The following RBFOX3 variants were observed in gnomAD, a reference collection of about 807,000 sequenced individuals.
The protein encoded by RBFOX3 is RNA binding fox-1 homolog 3, also known as RNA binding protein fox-1 homolog 3.
RBFOX3 carries 17 observed loss-of-function variants against 48.7 expected under a neutral mutation model. The observed-to-expected ratio is 0.35, with a 90% confidence interval of 0.24 to 0.52. RBFOX3 has a LOEUF of 0.52. Among genes scored for constraint, RBFOX3 ranks in the 20% least tolerant of loss-of-function variants. The pLI is 0.94. For missense variants in RBFOX3, 382 were observed against 497.5 expected (o/e 0.77, Z 2.21); for synonymous variants, 212 against 209.5 (o/e 1.01, Z -0.10).
chr17:79,498,243 C>G lies in RBFOX3; in HGVS notation c.-319-15645G>C, dbSNP rs1206011428. Among the ~76,000 whole-genome samples the G allele has an allele frequency of 2.6e-5, 4 of 152,272 alleles. No homozygotes were observed. In the South Asian group the frequency reaches 8.3e-4, roughly 32 times the overall value. On this transcript the variant is annotated intron_variant, in intron 1 of 14. Coordinates refer to ENST00000693108, the MANE Select transcript of RBFOX3 (RefSeq NM_001350451.2). ...CATGACATCTGCCTTCATAGGAACT[C>G]GTTTTCCTTTTGCGCTCCTTTGGGC...
intron 4 of RBFOX3, among the ~76,000 whole-genome samples, chr17:79,175,983 C>T (rs2050452068): frequency 6.6e-6 from 1 of 152,236 alleles, no homozygotes; most frequent in African/African-American, 2.4e-5. Context: ...ATGTGCTTGT[C>T]ACCCTGGGGA....
chr17:79,634,679 T>C, the RBFOX3 span, among the ~76,000 whole-genome samples: 2 of 152,242 alleles, frequency 1.3e-5, no homozygotes, highest in African/African-American at 4.8e-5. Flanking sequence ...AGGGAGCACA[T>C]GGGCTGTGAG....
intron 6 of RBFOX3, among the ~76,000 whole-genome samples, chr17:79,104,816 G>C (rs1385078486): frequency 6.6e-6 from 1 of 152,112 alleles, no homozygotes; most frequent in Non-Finnish European, 1.5e-5. Context: ...GGGGAAAATG[G>C]GGTTGAGGGT....
At chr17:79,300,450 A>T (rs1360209362) in intron 3 of RBFOX3, among the ~76,000 whole-genome samples, 1 of 152,236 alleles carries the variant, frequency 6.6e-6, no homozygotes, top group African/African-American at 2.4e-5. Flanking sequence ...CCCTAATTTA[A>T]AAAAAATCTC....
the RBFOX3 span, among the ~76,000 whole-genome samples, chr17:79,622,183 C>T: frequency 6.6e-6 from 1 of 152,220 alleles, no homozygotes; most frequent in Non-Finnish European, 1.5e-5. Flanking sequence ...CCCACAAAGG[C>T]AGCAGCTGCT....
At chr17:79,305,726 G>T (rs995339024) in intron 3 of RBFOX3, among the ~76,000 whole-genome samples, 3 of 152,248 alleles carry the variant, frequency 2.0e-5, no homozygotes, top group African/African-American at 7.2e-5. Flanking sequence ...TGAAAGGGCA[G>T]GGAGCCTCCG....
chr17:79,424,732 C>G (rs548989852), intron 2 of RBFOX3, among the ~76,000 whole-genome samples: 5 of 152,194 alleles, frequency 3.3e-5, no homozygotes, highest in Non-Finnish European at 5.9e-5. Context: ...CGGGCCGGGC[C>G]GGAGCTCCAG....
At position 79,341,859 on chromosome 17, in the gene RBFOX3, C is replaced by T. The variant is rs577005451; in HGVS notation, c.-174-34035G>A. ...GGCTAAGGGAAAAACAATTTGCAGC[C>T]GGTGGCTCCTAATAGATGGAAATAA... On this transcript the variant is annotated intron_variant, in intron 2 of 14. Coordinates refer to ENST00000693108, the MANE Select transcript of RBFOX3 (RefSeq NM_001350451.2). Among the ~76,000 whole-genome samples, 69 of 152,354 alleles carry T rather than the reference C, an allele frequency of 4.5e-4. No individual in the cohort carries two copies. The South Asian group carries it at 0.011, about 23-fold the overall frequency.
intron 1 of RBFOX3, among the ~76,000 whole-genome samples, chr17:79,561,799 T>A (rs1241962112): frequency 2.0e-5 from 3 of 152,136 alleles, no homozygotes; most frequent in Non-Finnish European, 4.4e-5. Context: ...GGGTAGGGAC[T>A]TAGACCCAAA....
At chr17:79,126,651 C>T (rs996388842) in intron 4 of RBFOX3, among the ~76,000 whole-genome samples, 11 of 152,192 alleles carry the variant, frequency 7.2e-5, no homozygotes, top group African/African-American at 9.7e-5. Flanking sequence ...TCTACATCCT[C>T]GTCTCTGGCT....
At chr17:79,251,333 G>A (rs1206336949) in intron 3 of RBFOX3, among the ~76,000 whole-genome samples, 1 of 152,114 alleles carries the variant, frequency 6.6e-6, no homozygotes, top group Non-Finnish European at 1.5e-5. Context: ...GAGAACAGAC[G>A]AGGGCCTCTC....
At chr17:79,232,723 G>A (rs1555620367) in intron 4 of RBFOX3, among the ~76,000 whole-genome samples, 1 of 152,108 alleles carries the variant, frequency 6.6e-6, no homozygotes, top group Non-Finnish European at 1.5e-5. Context: ...TTACTTTTTA[G>A]CAAAGAAGAC....
chr17:79,489,778 C>A (rs1289154355), intron 1 of RBFOX3, among the ~76,000 whole-genome samples: 1 of 152,140 alleles, frequency 6.6e-6, no homozygotes, highest in African/African-American at 2.4e-5. Context: ...GCCAGTGGTT[C>A]TACTTCTGCC....
chr17:79,280,841 T>TGGGGGGG (rs34734841), intron 3 of RBFOX3, among the ~76,000 whole-genome samples: 12 of 101,532 alleles, frequency 1.2e-4, no homozygotes, highest in Non-Finnish European at 1.5e-4. Context: ...TGTCCCATTG[T>TGGGGGGG]GGGGGGGGGG....
At chr17:79,401,351 C>G (rs2148415664) in intron 2 of RBFOX3, among the ~76,000 whole-genome samples, 1 of 152,264 alleles carries the variant, frequency 6.6e-6, no homozygotes, top group East Asian at 1.9e-4. Flanking sequence ...AGGTCAACTT[C>G]AAGCCAAATG....
intron 4 of RBFOX3, among the ~76,000 whole-genome samples, chr17:79,149,578 G>A (rs1366800830): frequency 6.6e-6 from 1 of 152,068 alleles, no homozygotes; most frequent in Non-Finnish European, 1.5e-5. Flanking sequence ...GGGGGTCCGT[G>A]GACGATTCCT....
intron 2 of RBFOX3, among the ~76,000 whole-genome samples, chr17:79,332,213 T>C (rs1339140043): frequency 6.6e-6 from 1 of 152,240 alleles, no homozygotes; most frequent in African/African-American, 2.4e-5. Context: ...GCTGGAATTC[T>C]GTCTCCAAAT....
chr17:79,617,721 C>T, the RBFOX3 span, among the ~76,000 whole-genome samples: 1 of 152,252 alleles, frequency 6.6e-6, no homozygotes, highest in South Asian at 2.1e-4. Context: ...AGTGGTCTCA[C>T]TGTCGTGGAA....
intron 2 of RBFOX3, among the ~76,000 whole-genome samples, chr17:79,343,995 G>A (rs1470426695): frequency 6.6e-6 from 1 of 152,206 alleles, no homozygotes; most frequent in Non-Finnish European, 1.5e-5. Context: ...GGGTATGAGA[G>A]ATGCCAGGAA....
Sources: allele counts gnomAD v4.1 joint callset (sites outside exome capture counted in the v4.1 genomes callset), GRCh38; gene constraint gnomAD v4.1.1; transcripts MANE v1.5; gene names NCBI Gene and HGNC (gene_info 2026-07-23, HGNC 2026-07-21).